PCNX2: variants seen among roughly 807,000 people sequenced by gnomAD.
The protein encoded by PCNX2 is pecanex 2.
A neutral mutation model predicts 223.8 loss-of-function variants in PCNX2; 168 were observed. The observed-to-expected ratio is 0.75, with a 90% CI of 0.66 to 0.85. The LOEUF (loss-of-function observed/expected upper bound fraction) is 0.85. Among genes scored for constraint, PCNX2 ranks in the 40% least tolerant of loss-of-function variants. The pLI, the probability that PCNX2 is intolerant of heterozygous loss-of-function variation, is 0.00. For synonymous variants in PCNX2, 1,006 were observed against 1,052.6 expected, an observed-to-expected ratio of 0.96 and a Z score of 0.86; for missense variants, 2,507 against 2,675.5, an observed-to-expected ratio of 0.94 and a Z score of 1.39.
At position 233,067,365 on chromosome 1, in the gene PCNX2, C is replaced by CAAAAAAA; in HGVS notation, c.4077-10082_4077-10076dup. Among the ~76,000 whole-genome samples, 5 of 3,888 alleles carry CAAAAAAA rather than the reference C, an allele frequency of 1.3e-3. 1 individual carries two copies. The highest frequency in any genetic ancestry group is 2.4e-3 in the Non-Finnish European group (4 of 1,684). 2.6% of individuals were successfully genotyped at this position (3,888 alleles called of 152,430 possible). A position where few individuals can be genotyped will look rare whatever the true frequency, so the allele number is the denominator to read the frequency against. On this transcript the variant is annotated intron_variant, in intron 23 of 33. Coordinates refer to ENST00000258229, the MANE Select transcript of PCNX2 (RefSeq NM_014801.4). ...AATAAATGAAAAAATAGAGCTTCAG[C>CAAAAAAA]AAAAAAAAAAAAAAAAAAAAAAAAA...
intron 23 of PCNX2, chr1:233,087,284 G>A (rs909695788): frequency 1.4e-5 from 12 of 884,004 alleles, no homozygotes; most frequent in Middle Eastern, 5.7e-4. Flanking sequence ...GAGGAAGCCA[G>A]GAGAGGGGAC....
At chr1:233,004,101 G>T (rs1000512068) in intron 28 of PCNX2, among the ~76,000 whole-genome samples, 3 of 151,510 alleles carry the variant, frequency 2.0e-5, no homozygotes, top group African/African-American at 7.3e-5. Context: ...GTGTATACCT[G>T]CACGTTCTGC....
intron 17 of PCNX2, among the ~76,000 whole-genome samples, chr1:233,168,919 C>T (rs377360135): frequency 6.6e-6 from 1 of 152,046 alleles, no homozygotes; most frequent in African/African-American, 2.4e-5. Context: ...TTTTAATTTG[C>T]ATTTTTAAAT....
intron 21 of PCNX2, among the ~76,000 whole-genome samples, chr1:233,106,984 T>G (rs1207370123): frequency 6.6e-6 from 1 of 152,110 alleles, no homozygotes; most frequent in African/African-American, 2.4e-5. Context: ...ACACTGAAAC[T>G]TTCCACATTT....
chr1:233,203,574 T>C (rs16858843), intron 13 of PCNX2, among the ~76,000 whole-genome samples: 20,291 of 152,184 alleles, frequency 0.13, 1,485 homozygotes, highest in East Asian at 0.22. Context: ...CCTCCTTCAA[T>C]CATCTGATGT....
At chr1:233,316,291 A>C in the PCNX2 span, among the ~76,000 whole-genome samples, 1 of 152,240 alleles carries the variant, frequency 6.6e-6, no homozygotes, top group South Asian at 2.1e-4. Flanking sequence ...GGCTGAATTC[A>C]AAGCTTTGAC....
At chr1:232,998,863 A>G (rs1669968208) in intron 31 of PCNX2, among the ~76,000 whole-genome samples, 1 of 152,210 alleles carries the variant, frequency 6.6e-6, no homozygotes, top group Non-Finnish European at 1.5e-5. Flanking sequence ...GCTCTGCAAG[A>G]ACTCAGCCTG....
At chr1:233,133,087 C>A (rs926119917) in intron 21 of PCNX2, among the ~76,000 whole-genome samples, 3 of 151,868 alleles carry the variant, frequency 2.0e-5, no homozygotes, top group Admixed American at 6.6e-5. Flanking sequence ...TTTGTAGAGA[C>A]TGGGTTTCGC....
At chr1:233,073,074 T>C (rs899569828) in intron 23 of PCNX2, among the ~76,000 whole-genome samples, 2 of 152,216 alleles carry the variant, frequency 1.3e-5, no homozygotes, top group African/African-American at 4.8e-5. Flanking sequence ...ATACTTGTTA[T>C]ATAGTCTATT....
intron 19 of PCNX2, among the ~76,000 whole-genome samples, chr1:233,143,887 C>T (rs1187969080): frequency 1.3e-5 from 2 of 152,072 alleles, no homozygotes; most frequent in Non-Finnish European, 1.5e-5. Flanking sequence ...GCAATGATCC[C>T]CCATTCTCCT....
intron 17 of PCNX2, among the ~76,000 whole-genome samples, chr1:233,165,236 A>G (rs1021046093): frequency 6.6e-6 from 1 of 152,250 alleles, no homozygotes; most frequent in African/African-American, 2.4e-5. Flanking sequence ...CAACAGCAGC[A>G]TGTGTGAGTT....
chr1:233,073,543 C>T (rs976556409), intron 23 of PCNX2, among the ~76,000 whole-genome samples: 6 of 150,178 alleles, frequency 4.0e-5, no homozygotes, highest in Admixed American at 1.3e-4. Context: ...AGCAATCCTC[C>T]TGCCTCAGCC....
intron 25 of PCNX2, among the ~76,000 whole-genome samples, chr1:233,050,127 T>A (rs962460791): frequency 1.3e-5 from 2 of 151,806 alleles, no homozygotes; most frequent in East Asian, 3.9e-4. Context: ...TTAGGAGAAA[T>A]ACCTAATGTA....
At chr1:233,117,978 C>A (rs1571899032) in intron 21 of PCNX2, among the ~76,000 whole-genome samples, 2 of 147,182 alleles carry the variant, frequency 1.4e-5, no homozygotes, top group African/African-American at 2.5e-5. Context: ...CCACTGCACT[C>A]CAGCCTGGGC....
chr1:233,243,794 G>A (rs1472905648), intron 8 of PCNX2, among the ~76,000 whole-genome samples: 1 of 152,102 alleles, frequency 6.6e-6, no homozygotes, highest in South Asian at 2.1e-4. Flanking sequence ...GGCAGGCACT[G>A]TCCTAAGCAC....
At chr1:233,124,977 A>G (rs1388517692) in intron 21 of PCNX2, among the ~76,000 whole-genome samples, 5 of 152,228 alleles carry the variant, frequency 3.3e-5, no homozygotes, top group Non-Finnish European at 5.9e-5. Context: ...TCTGTGATCA[A>G]TGAATATACT....
At position 233,139,932 on chromosome 1, in the gene PCNX2, A is replaced by G; in HGVS notation, c.3518-77T>C. On this transcript the variant is annotated intron_variant, in intron 19 of 33. Coordinates refer to ENST00000258229, the MANE Select transcript of PCNX2 (RefSeq NM_014801.4). This position sits in a 1 kb window ranked among gnomAD's most constrained non-coding sequence, Gnocchi z 4.4. Reference sequence around the variant, plus strand: ...CTTTAAGTACAGGTAATAATAAGTAATATTCCCCCCCTTTAATTCAAAAGC... The same window carrying G: ...CTTTAAGTACAGGTAATAATAAGTAGTATTCCCCCCCTTTAATTCAAAAGC... 1 of 1,497,128 alleles carries G rather than the reference A, an allele frequency of 6.7e-7. No homozygotes were observed. Among genetic ancestry groups the G allele is most frequent in the Non-Finnish European group, 9.0e-7 (1 of 1,112,284 alleles). 92.7% of individuals were successfully genotyped at this position (1,497,128 alleles called of 1,614,324 possible).
intron 15 of PCNX2, among the ~76,000 whole-genome samples, chr1:233,185,639 C>T (rs1399281859): frequency 6.6e-6 from 1 of 152,088 alleles, no homozygotes; most frequent in Non-Finnish European, 1.5e-5. Flanking sequence ...TGTTGAAACA[C>T]ATGTAGAGCA....
At position 232,999,346 on chromosome 1, in the gene PCNX2, C is replaced by T. The variant is rs772545965; in HGVS notation, c.5362G>A (p.Gly1788Arg). The T allele has an allele frequency of 8.1e-6, 13 of 1,598,662 alleles. No individual in the cohort carries two copies. The highest frequency in any genetic ancestry group is 2.3e-5 in the East Asian group (1 of 44,206). The change falls in exon 31 of 34, where the codon GGG becomes AGG. Residue 1788 changes from glycine (G) to arginine (R), a missense_variant. By Grantham distance (125) the Gly-to-Arg change is moderately radical (BLOSUM62 -2). Transcript: ENST00000258229. ...NKECVRGLWA[G>R]QQQELIFLRN... Reference sequence around the variant, plus strand: ...AGAAATATAAGCTCCTGCTGCTGCCCGGCCCAAAGTCCTCGGACGCATTCT... The same window carrying T: ...AGAAATATAAGCTCCTGCTGCTGCCTGGCCCAAAGTCCTCGGACGCATTCT...
Sources: gnomAD v4.1 joint callset for allele counts (sites outside exome capture counted in the v4.1 genomes callset) on GRCh38, gnomAD v4.1.1 for gene constraint, Gnocchi (gnomAD v3.1) non-coding constraint, MANE v1.5 for transcripts, NCBI Gene and HGNC (gene_info 2026-07-23, HGNC 2026-07-21) for gene names.